The following LPP variants were observed in gnomAD, a reference collection of about 807,000 sequenced individuals.
LPP encodes the protein lipoma-preferred partner.
A neutral mutation model predicts 60.4 loss-of-function variants in LPP; 38 were observed. The ratio of observed to expected loss-of-function variants is 0.63; its 90% CI spans 0.49 to 0.83. The LOEUF is 0.83. Ranked by LOEUF, LPP falls within the 40% of genes least tolerant of loss-of-function variation. The pLI is 0.00. For missense variants in LPP, 902 were observed against 783.6 expected (o/e 1.15, Z -1.80); for synonymous variants, 328 against 290.8 (o/e 1.13, Z -1.30).
chr3:188,310,998 A>G (rs1056507950), intron 2 of LPP, among the ~76,000 whole-genome samples: 9 of 152,088 alleles, frequency 5.9e-5, no homozygotes, highest in Non-Finnish European at 1.0e-4. Context: ...CAGCTGTGGA[A>G]ACTGAGGTGC....
chr3:188,780,736 C>T (rs1446221145), intron 9 of LPP, among the ~76,000 whole-genome samples: 2 of 152,204 alleles, frequency 1.3e-5, no homozygotes, highest in African/African-American at 4.8e-5. Flanking sequence ...CCCCGCCATT[C>T]TCATTCTCAT....
intron 8 of LPP, among the ~76,000 whole-genome samples, chr3:188,744,436 A>G (rs16863574): frequency 0.12 from 17,958 of 152,162 alleles, 1,227 homozygotes; most frequent in Non-Finnish European, 0.15. Context: ...CCAACTGCTG[A>G]TATCATTTTT....
Position 188,267,864 on chromosome 3 carries a change from C to T in LPP, c.-67+42337C>T, listed in dbSNP as rs548643686. Reference sequence around the variant, plus strand: ...CCCCCCAGACCTCCATCCCTAAACCCGGGCTTGCGTGTCTGGCAACCCAGG... The same window carrying T: ...CCCCCCAGACCTCCATCCCTAAACCTGGGCTTGCGTGTCTGGCAACCCAGG... On this transcript the variant is annotated intron_variant, in intron 2 of 11. Coordinates refer to ENST00000617246, the MANE Select transcript of LPP (RefSeq NM_001375462.1). Among the ~76,000 whole-genome samples, 13 of 152,232 alleles carry T rather than the reference C, an allele frequency of 8.5e-5. No individual in the cohort carries two copies. In the South Asian group the frequency reaches 1.0e-3, roughly 12 times the overall value.
intron 1 of LPP, among the ~76,000 whole-genome samples, chr3:188,176,443 C>T (rs1723069056): frequency 6.6e-6 from 1 of 152,172 alleles, no homozygotes; most frequent in Non-Finnish European, 1.5e-5. Flanking sequence ...GGCACCCCGA[C>T]TCACAGACTG....
chr3:188,805,113 G>A (rs950925184), intron 9 of LPP, among the ~76,000 whole-genome samples: 2 of 151,918 alleles, frequency 1.3e-5, no homozygotes, highest in African/African-American at 2.4e-5. Context: ...GTTTGTTGAG[G>A]ATTTTTGCAT....
intron 8 of LPP, among the ~76,000 whole-genome samples, chr3:188,744,579 G>A (rs1725513617): frequency 6.6e-6 from 1 of 152,138 alleles, no homozygotes; most frequent in Non-Finnish European, 1.5e-5. Flanking sequence ...TTGTCTTAAT[G>A]TGCAGATAGA....
chr3:188,495,083 T>TATATATATATATATA lies in LPP; in HGVS notation c.306+10379_306+10380insATATATATATATATA, dbSNP rs57578460. On this transcript the variant is annotated intron_variant, in intron 5 of 11. Coordinates refer to ENST00000617246, the MANE Select transcript of LPP (RefSeq NM_001375462.1). ...AGGATTTTATATATATATATATATA[T>TATATATATATATATA]TTTATTTATATTTTATTATATATTT... Among the ~76,000 whole-genome samples the TATATATATATATATA allele has an allele frequency of 6.1e-3, 473 of 77,614 alleles. 12 individuals carry two copies. The highest frequency in any genetic ancestry group is 0.028 in the African/African-American group (321 of 11,598). 50.9% of individuals were successfully genotyped at this position (77,614 alleles called of 152,430 possible).
At chr3:188,732,158 G>A (rs986477188) in intron 8 of LPP, among the ~76,000 whole-genome samples, 5 of 152,178 alleles carry the variant, frequency 3.3e-5, no homozygotes, top group Admixed American at 1.3e-4. Flanking sequence ...ACTTGTGACC[G>A]ATGCTATGGG....
intron 3 of LPP, among the ~76,000 whole-genome samples, chr3:188,351,787 A>G (rs947468988): frequency 6.6e-6 from 1 of 152,128 alleles, no homozygotes; most frequent in African/African-American, 2.4e-5. Context: ...TGGCTCTTCT[A>G]AGGGATATGG....
At chr3:188,391,913 A>G (rs1380204969) in intron 3 of LPP, among the ~76,000 whole-genome samples, 1 of 152,186 alleles carries the variant, frequency 6.6e-6, no homozygotes, top group Non-Finnish European at 1.5e-5. Context: ...CAGGGCAAAC[A>G]GCAGAAACAT....
At chr3:188,797,427 G>A (rs565117025) in intron 9 of LPP, among the ~76,000 whole-genome samples, 1 of 152,150 alleles carries the variant, frequency 6.6e-6, no homozygotes, top group Non-Finnish European at 1.5e-5. Flanking sequence ...CCTAATGTTT[G>A]TTCCTACAGA....
At chr3:188,863,892 T>G (rs1374404743) in intron 9 of LPP, among the ~76,000 whole-genome samples, 1 of 148,468 alleles carries the variant, frequency 6.7e-6, no homozygotes, top group Admixed American at 6.9e-5. Flanking sequence ...CAAGCCTCAG[T>G]GCAAACAAAA....
At chr3:188,789,882 A>G (rs1178284992) in intron 9 of LPP, among the ~76,000 whole-genome samples, 1 of 152,216 alleles carries the variant, frequency 6.6e-6, no homozygotes, top group Non-Finnish European at 1.5e-5. Flanking sequence ...TTTCATTCTC[A>G]GACCAGCCGG....
chr3:188,664,932 G>T (rs1013392582), intron 7 of LPP, among the ~76,000 whole-genome samples: 1 of 152,054 alleles, frequency 6.6e-6, no homozygotes, highest in African/African-American at 2.4e-5. Context: ...TACATGGCAG[G>T]ACCTGAGTGT....
chr3:188,790,957 A>T (rs925017249), intron 9 of LPP, among the ~76,000 whole-genome samples: 3 of 152,136 alleles, frequency 2.0e-5, no homozygotes, highest in African/African-American at 7.2e-5. Context: ...CGCTTTAGAA[A>T]AACACTTTAG....
intron 3 of LPP, among the ~76,000 whole-genome samples, chr3:188,379,691 A>G (rs535497042): frequency 4.6e-5 from 7 of 152,284 alleles, no homozygotes; most frequent in Non-Finnish European, 7.3e-5. Context: ...ATACAACATC[A>G]TACAATATGT....
intron 8 of LPP, among the ~76,000 whole-genome samples, chr3:188,753,849 C>A (rs2150362206): frequency 6.6e-6 from 1 of 152,038 alleles, no homozygotes; most frequent in East Asian, 1.9e-4. Context: ...AGCCACCTTT[C>A]CCCCACTAGC....
chr3:188,218,643 T>C (rs1459888770), intron 1 of LPP, among the ~76,000 whole-genome samples: 1 of 152,214 alleles, frequency 6.6e-6, no homozygotes, highest in African/African-American at 2.4e-5. Flanking sequence ...TACCTATTCA[T>C]TGAGTTGACA....
intron 9 of LPP, among the ~76,000 whole-genome samples, chr3:188,842,568 G>A (rs1295804732): frequency 6.6e-6 from 1 of 152,116 alleles, no homozygotes; most frequent in Non-Finnish European, 1.5e-5. Flanking sequence ...TTTGTGGGGT[G>A]TTACTCAAGA....
Sources: gnomAD v4.1 joint callset for allele counts (sites outside exome capture counted in the v4.1 genomes callset) on GRCh38, gnomAD v4.1.1 for gene constraint, MANE v1.5 for transcripts, NCBI Gene and HGNC (gene_info 2026-07-23, HGNC 2026-07-21) for gene names.